Variants in COL4A6 observed in about 807,000 individuals in gnomAD.
COL4A6 encodes the protein collagen alpha-6(IV) chain.
In COL4A6, 59 loss-of-function variants were observed where a neutral mutation model predicts 126.7. That is an observed-to-expected ratio of 0.47 (90% CI 0.38 to 0.58). The LOEUF (loss-of-function observed/expected upper bound fraction) is 0.58, where lower values mean the gene tolerates loss of function less well. Among genes scored for constraint, COL4A6 ranks in the 20% least tolerant of loss-of-function variants. The probability of loss-of-function intolerance (pLI) is 0.00; values close to 1 mark genes in which losing one functional copy is unlikely to be tolerated. For synonymous variants in COL4A6, 547 were observed against 496.6 expected (o/e 1.10, Z -1.35); for missense variants, 1,285 against 1,337.3 (o/e 0.96, Z 0.61).
At chrX:108,425,116 A>T (rs1031473147) in intron 2 of COL4A6, among the ~76,000 whole-genome samples, 10 of 111,064 alleles carry the variant, frequency 9.0e-5, no homozygotes, top group Admixed American at 6.7e-4. Flanking sequence ...AAACATTAAC[A>T]CACTGGAAAC....
chrX:108,271,091 T>C (rs1304245581), intron 3 of COL4A6, among the ~76,000 whole-genome samples: 1 of 112,561 alleles, frequency 8.9e-6, no homozygotes. Flanking sequence ...ATTCATTAAA[T>C]CAGCCATAAA....
intron 2 of COL4A6, among the ~76,000 whole-genome samples, chrX:108,428,261 G>A (rs190299787): frequency 4.5e-5 from 5 of 112,179 alleles, no homozygotes; most frequent in African/African-American, 1.6e-4. Context: ...GGCCATATGC[G>A]GCCCTTGGGG....
At chrX:108,415,235 C>T (rs2041412164) in intron 2 of COL4A6, among the ~76,000 whole-genome samples, 1 of 111,980 alleles carries the variant, frequency 8.9e-6, no homozygotes, top group South Asian at 3.8e-4. Context: ...CATGTGGCAA[C>T]TCAAATTTCA....
intron 2 of COL4A6, among the ~76,000 whole-genome samples, chrX:108,329,966 T>C (rs2046910237): frequency 9.0e-6 from 1 of 110,971 alleles, no homozygotes; most frequent in African/African-American, 3.3e-5. Flanking sequence ...TGTGTGCATG[T>C]GCGTGTGTAG....
chrX:108,188,735 G>T, intron 20 of COL4A6, 58 bp from the exon 21 acceptor site: 3 of 1,018,557 alleles, frequency 2.9e-6, no homozygotes, highest in Non-Finnish European at 3.9e-6. Flanking sequence ...GAAGAATAAA[G>T]AATTGATCAT....
At chrX:108,432,777 A>T (rs1038974376) in intron 2 of COL4A6, among the ~76,000 whole-genome samples, 9 of 111,777 alleles carry the variant, frequency 8.1e-5, no homozygotes, top group African/African-American at 2.9e-4. Context: ...TGGAGGTTGC[A>T]GTGAGCCAAG....
chrX:108,226,935 AC>A (rs2036183138), intron 3 of COL4A6, among the ~76,000 whole-genome samples: 1 of 111,179 alleles, frequency 9.0e-6, no homozygotes, highest in Non-Finnish European at 1.9e-5. Context: ...ATGGTCTGTG[AC>A]CTCCAATCTT....
intron 32 of COL4A6, among the ~76,000 whole-genome samples, 177 bp downstream of exon 32, chrX:108,172,292 G>T (rs1053401375): frequency 5.0e-5 from 5 of 100,676 alleles, no homozygotes; most frequent in Non-Finnish European, 1.0e-4. Context: ...AGAGGTTGCA[G>T]TGAGCTGAGA....
intron 2 of COL4A6, among the ~76,000 whole-genome samples, chrX:108,434,510 G>A (rs2064228543): frequency 9.1e-6 from 1 of 110,151 alleles, no homozygotes; most frequent in Non-Finnish European, 1.9e-5. Flanking sequence ...GGATTACAAT[G>A]GAAACTGATT....
chrX:108,204,197 C>T, intron 12 of COL4A6, 123 bp downstream of exon 12: 1 of 492,807 alleles, frequency 2.0e-6, no homozygotes, highest in Non-Finnish European at 3.0e-6. Context: ...CACTTCTAAA[C>T]AAAAATCCAT....
intron 3 of COL4A6, among the ~76,000 whole-genome samples, chrX:108,270,514 A>C (rs1268005813): frequency 8.9e-6 from 1 of 112,423 alleles, no homozygotes; most frequent in Admixed American, 9.4e-5. Context: ...AGCCTAGATC[A>C]GGTAACCTGG....
chrX:108,344,969 T>C (rs1424687978), intron 2 of COL4A6, among the ~76,000 whole-genome samples: 3 of 112,069 alleles, frequency 2.7e-5, no homozygotes, highest in Non-Finnish European at 3.8e-5. Flanking sequence ...AATGTTCCTA[T>C]GTTACTAATA....
At chrX:108,297,951 G>C (rs2038372119) in intron 3 of COL4A6, among the ~76,000 whole-genome samples, 1 of 105,534 alleles carries the variant, frequency 9.5e-6, no homozygotes, top group South Asian at 4.3e-4. Context: ...TCTCTCACGT[G>C]TGTGTGTGAG....
chrX:108,168,978 C>T (rs975891244), intron 37 of COL4A6, among the ~76,000 whole-genome samples: 4 of 111,304 alleles, frequency 3.6e-5, no homozygotes, highest in Non-Finnish European at 1.9e-5. Flanking sequence ...AGTCAGGGGC[C>T]GAGATTAGGG....
intron 13 of COL4A6, among the ~76,000 whole-genome samples, chrX:108,201,275 C>T (rs2035384539): frequency 1.8e-5 from 2 of 111,709 alleles, no homozygotes; most frequent in African/African-American, 6.5e-5. Flanking sequence ...TTTGATTCAT[C>T]CATTTCCCAC....
At chrX:108,400,340 C>T (rs2041058990) in intron 2 of COL4A6, among the ~76,000 whole-genome samples, 1 of 111,109 alleles carries the variant, frequency 9.0e-6, no homozygotes, top group Non-Finnish European at 1.9e-5. Context: ...CCATAAATCA[C>T]ATAAAGATGG....
chrX:108,179,101 C>A (rs758679825), intron 26 of COL4A6, 116 bp downstream of exon 26: 2 of 777,643 alleles, frequency 2.6e-6, no homozygotes, highest in South Asian at 2.9e-5. Context: ...TAAAATATTT[C>A]ATTTTAACCC....
intron 2 of COL4A6, among the ~76,000 whole-genome samples, chrX:108,353,058 C>A (rs1184390691): frequency 1.8e-5 from 2 of 112,011 alleles, no homozygotes; most frequent in African/African-American, 3.3e-5. Context: ...GCAACGCCAG[C>A]GTGGCTGAGC....
intron 2 of COL4A6, among the ~76,000 whole-genome samples, chrX:108,363,367 T>A (rs1227014379): frequency 8.9e-6 from 1 of 112,156 alleles, no homozygotes; most frequent in Non-Finnish European, 1.9e-5. Flanking sequence ...AGTAAATTCC[T>A]GCAAAGAATC....
Sources: allele counts gnomAD v4.1 joint callset (sites outside exome capture counted in the v4.1 genomes callset), GRCh38; gene constraint gnomAD v4.1.1; transcripts MANE v1.5; gene names NCBI Gene and HGNC (gene_info 2026-07-23, HGNC 2026-07-21).